C18orf54: variants seen among roughly 807,000 people sequenced by gnomAD.
The protein encoded by C18orf54 is lung adenoma susceptibility protein 2.
In C18orf54, 49 loss-of-function variants were observed where a neutral mutation model predicts 49.3. That is an observed-to-expected ratio of 0.99 (90% CI 0.79 to 1.26). C18orf54 has a LOEUF of 1.26. C18orf54 is among the 50% of genes most tolerant of loss of function. The pLI is 0.00. For missense variants in C18orf54, 687 were observed against 620.6 expected (o/e 1.11, Z -1.14); for synonymous variants, 211 against 216.6 (o/e 0.97, Z 0.23).
chr18:54,374,105 T>A (rs1254638343), intron 7 of C18orf54, 109 bp from the exon 8 acceptor site: 3 of 955,842 alleles, frequency 3.1e-6, no homozygotes, highest in Non-Finnish European at 4.4e-6. Flanking sequence ...TAGAATTGTT[T>A]GGAAATGTAG....
At position 54,360,860 on chromosome 18, in the gene C18orf54, G is replaced by A; in HGVS notation, c.283+5G>A. 6.2e-7 allele frequency: 1 copy of A among 1,603,686 alleles called. No homozygotes were observed. Among genetic ancestry groups the A allele is most frequent in the Non-Finnish European group, 8.5e-7 (1 of 1,173,578 alleles). ...ATATTTACAAACCAAACAATGGTAT[G>A]CTTTTATTCTTTGTTTTCTTTGTGT... On this transcript the variant is annotated splice_donor_5th_base_variant and intron_variant, in intron 3 of 8. Coordinates refer to ENST00000620105, the MANE Select transcript of C18orf54 (RefSeq NM_001288980.2).
At chr18:54,372,936 A>G (rs1187030919) in intron 7 of C18orf54, among the ~76,000 whole-genome samples, 2 of 151,888 alleles carry the variant, frequency 1.3e-5, no homozygotes, top group Non-Finnish European at 3.0e-5. Context: ...TCTGGTAGTT[A>G]TATTCGAGGA....
intron 7 of C18orf54, among the ~76,000 whole-genome samples, chr18:54,373,304 A>G (rs564715907): frequency 6.6e-6 from 1 of 151,922 alleles, no homozygotes; most frequent in East Asian, 1.9e-4. Flanking sequence ...TTGATTTTTA[A>G]TTGACAATAT....
chr18:54,362,612 A>AT (rs954133351), intron 4 of C18orf54, among the ~76,000 whole-genome samples, 159 bp from the exon 5 acceptor site: 2 of 151,954 alleles, frequency 1.3e-5, no homozygotes, highest in South Asian at 2.1e-4. Flanking sequence ...CTTTTCTCCC[A>AT]TTTTTTTCTT....
Position 54,372,556 on chromosome 18 carries a change from A to G in C18orf54, c.1417A>G (p.Asn473Asp), listed in dbSNP as rs765701964. 2.5e-6 allele frequency: 4 copies of G among 1,610,194 alleles called. No homozygotes were observed. In the African/African-American group the frequency reaches 5.3e-5, roughly 22 times the overall value. The change falls in exon 7 of 9, where the codon AAT becomes GAT. Residue 473 changes from asparagine (N) to aspartate (D), a missense_variant. Coordinates refer to ENST00000620105, the MANE Select transcript of C18orf54 (RefSeq NM_001288980.2). ...FNLQAVQERF[N>D]QNKTTDPKEE... ...CCTTCAAGCAGTACAAGAACGTTTTAATCAAAATAAGACCACAGATCCAAA... is the reference window on the plus strand; with the variant it reads ...CCTTCAAGCAGTACAAGAACGTTTTGATCAAAATAAGACCACAGATCCAAA...
rs374701094 is a variant in C18orf54 at position 54,363,562 on chromosome 18, C to T, written c.1223+641C>T. 1.3e-4 allele frequency among the ~76,000 whole-genome samples: 20 copies of T among 152,180 alleles called. No homozygotes were observed. In the East Asian group the frequency reaches 2.9e-3, roughly 22 times the overall value. ...CTAACTCCTGACCTCGTGATCCGCCCGCCTCTGCCTCCCAAAGTGCTGGGA... is the reference window on the plus strand; with the variant it reads ...CTAACTCCTGACCTCGTGATCCGCCTGCCTCTGCCTCCCAAAGTGCTGGGA... On this transcript the variant is annotated intron_variant, in intron 5 of 8. Coordinates refer to ENST00000620105, the MANE Select transcript of C18orf54 (RefSeq NM_001288980.2).
chr18:54,363,711 T>C (rs1014034119), intron 5 of C18orf54, among the ~76,000 whole-genome samples: 4 of 152,228 alleles, frequency 2.6e-5, no homozygotes, highest in African/African-American at 9.6e-5. Flanking sequence ...AGAAATGCAT[T>C]ATTGCTAACC....
At position 54,378,354 on chromosome 18, in the gene C18orf54, G is replaced by A. The variant is rs1819233866; in HGVS notation, c.*108G>A. On this transcript the variant is annotated 3_prime_UTR_variant, in exon 9 of 9. Transcript: ENST00000620105. ...AAATATAAGCCATACATTATTTTGT[G>A]GTTGGTTCAAGGATTATATATTTCT... 2.0e-6 allele frequency: 2 copies of A among 992,780 alleles called. No individual in the cohort carries two copies. Among genetic ancestry groups the A allele is most frequent in the South Asian group, 1.6e-5 (1 of 60,756 alleles). The allele number at this position is 992,780 out of a possible 1,614,324, so 61.5% of individuals were successfully genotyped here.
chr18:54,361,860 T>C lies in C18orf54; in HGVS notation c.501T>C (p.Asn167=). 3 of 1,614,058 alleles carry C rather than the reference T, an allele frequency of 1.9e-6. No individual in the cohort carries two copies. The highest frequency in any genetic ancestry group is 2.5e-6 in the Non-Finnish European group (3 of 1,179,976). Residue 167 remains asparagine, a synonymous_variant, in exon 4 of 9, where the codon AAT becomes AAC. Transcript: ENST00000620105. ...GRLGSLDIEK[N]PHFQGPYTSM... ...TGGGTTCATTGGACATTGAGAAGAATCCACATTTTCAAGGACCCTACACTT... is the reference window on the plus strand; with the variant it reads ...TGGGTTCATTGGACATTGAGAAGAACCCACATTTTCAAGGACCCTACACTT...
In C18orf54 at chr18:54,378,456, G is replaced by T. The variant is rs73476855; in HGVS notation, c.*210G>T. On this transcript the variant is annotated 3_prime_UTR_variant, in exon 9 of 9. Coordinates refer to ENST00000620105, the MANE Select transcript of C18orf54 (RefSeq NM_001288980.2). ...GTGCCAACATACTAGAATGTGAACT[G>T]CAAGGACCCACAATATATCCTGAAG... 706 of 413,782 alleles carry T rather than the reference G, an allele frequency of 1.7e-3. 5 individuals are homozygous for T. Among genetic ancestry groups the T allele is most frequent in the African/African-American group, 0.013 (650 of 49,168 alleles). 25.6% of individuals were successfully genotyped at this position (413,782 alleles called of 1,614,324 possible).
At chr18:54,363,970 T>C (rs1334656401) in intron 5 of C18orf54, 1 of 152,164 alleles carries the variant, frequency 6.6e-6, no homozygotes, top group Non-Finnish European at 1.5e-5. Context: ...TAACGTCTGC[T>C]TCAGGGTTAT....
intron 7 of C18orf54, among the ~76,000 whole-genome samples, chr18:54,373,099 G>A (rs974806799): frequency 5.9e-5 from 9 of 151,470 alleles, no homozygotes; most frequent in African/African-American, 1.5e-4. Context: ...TGTATTTCCC[G>A]GGAATTTGAA....
intron 8 of C18orf54, among the ~76,000 whole-genome samples, chr18:54,374,856 C>T (rs2144752563): frequency 6.6e-6 from 1 of 152,012 alleles, no homozygotes; most frequent in South Asian, 2.1e-4. Flanking sequence ...AGATGGAATA[C>T]TGAACTTAGG....
rs938584674 is a variant in C18orf54 at position 54,378,230 on chromosome 18, G to A, written c.1586G>A (p.Arg529Gln). The change falls in exon 9 of 9, where the codon CGG (arginine) becomes CAG (glutamine). Residue 529 changes from arginine to glutamine, a missense_variant. By Grantham distance (43) the Arg-to-Gln change is conservative. Transcript: ENST00000620105. ...RDLVDDTNGE[R>Q]SPKM ...CTGGTTGATGATACGAATGGAGAACGGTCACCGAAAATGTGAAGAGGAAAA... is the reference window on the plus strand; with the variant it reads ...CTGGTTGATGATACGAATGGAGAACAGTCACCGAAAATGTGAAGAGGAAAA... 6 of 1,613,002 alleles carry A rather than the reference G, an allele frequency of 3.7e-6. No homozygotes were observed. Among genetic ancestry groups the A allele is most frequent in the Non-Finnish European group, 4.2e-6 (5 of 1,179,434 alleles).
chr18:54,372,815 T>G (rs2089512426), intron 7 of C18orf54, among the ~76,000 whole-genome samples: 2 of 151,886 alleles, frequency 1.3e-5, no homozygotes, highest in South Asian at 4.1e-4. Flanking sequence ...ATTGTTCTAT[T>G]ATGGTTATAA....
chr18:54,372,743 T>G, intron 7 of C18orf54, 146 bp downstream of exon 7: 1 of 657,378 alleles, frequency 1.5e-6, no homozygotes. Context: ...TTTTTTTTGT[T>G]AGGAAGTAAT....
At chr18:54,361,559 C>T (rs2089268957) in intron 3 of C18orf54, 84 bp from the exon 4 acceptor site, 1 of 1,210,842 alleles carries the variant, frequency 8.3e-7, no homozygotes, top group African/African-American at 1.5e-5. Context: ...CAGCAAAATG[C>T]CTCTTAAATT....
At position 54,380,624 on chromosome 18, in the gene C18orf54, G is replaced by A. The variant is rs1239619512; in HGVS notation, c.*2378G>A. 1 of 152,052 alleles carries A rather than the reference G, an allele frequency of 6.6e-6. No homozygotes were observed. The highest frequency in any genetic ancestry group is 2.4e-5 in the African/African-American group (1 of 41,526). The allele number at this position is 152,052 out of a possible 1,614,324, so 9.4% of individuals were successfully genotyped here. On this transcript the variant is annotated 3_prime_UTR_variant, in exon 9 of 9. Coordinates refer to ENST00000620105, the MANE Select transcript of C18orf54 (RefSeq NM_001288980.2). Reference sequence around the variant, plus strand: ...AAATTAAGAAACACTGTTTTCCTGGGTTTGTTTTGGGTATATGTCATTATA... The same window carrying A: ...AAATTAAGAAACACTGTTTTCCTGGATTTGTTTTGGGTATATGTCATTATA...
chr18:54,372,080 A>G (rs989720610), intron 6 of C18orf54, among the ~76,000 whole-genome samples: 4 of 152,066 alleles, frequency 2.6e-5, no homozygotes, highest in African/African-American at 4.8e-5. Context: ...AGAATACTGT[A>G]TTTGAAATTT....
Sources: gnomAD v4.1 joint callset for allele counts (sites outside exome capture counted in the v4.1 genomes callset) on GRCh38, gnomAD v4.1.1 for gene constraint, MANE v1.5 for transcripts, NCBI Gene and HGNC (gene_info 2026-07-23, HGNC 2026-07-21) for gene names.